RIT2: variants seen among roughly 807,000 people sequenced by gnomAD.
The protein encoded by RIT2 is Ras like without CAAX 2, also known as GTP-binding protein Rit2.
In RIT2, 24 loss-of-function variants were observed where a neutral mutation model predicts 23.7. The observed-to-expected ratio is 1.01, with a 90% CI of 0.73 to 1.43. The LOEUF (loss-of-function observed/expected upper bound fraction) is 1.43. RIT2 is among the 40% of genes most tolerant of loss of function. RIT2 has a pLI of 0.00. For synonymous variants in RIT2, 107 were observed against 91.1 expected, an observed-to-expected ratio of 1.17 and a Z score of -0.99; for missense variants, 236 against 266.9, an observed-to-expected ratio of 0.88 and a Z score of 0.81.
intron 4 of RIT2, among the ~76,000 whole-genome samples, chr18:42,922,337 T>C (rs1027134023): frequency 9.2e-5 from 14 of 152,158 alleles, no homozygotes; most frequent in African/African-American, 3.4e-4. Context: ...CCTACGTTAG[T>C]AAAAGGTTTT....
At chr18:42,854,156 T>A (rs556797920) in intron 4 of RIT2, among the ~76,000 whole-genome samples, 4 of 152,322 alleles carry the variant, frequency 2.6e-5, no homozygotes, top group African/African-American at 9.6e-5. Flanking sequence ...TACGCTACTT[T>A]GGTTCCCCAC....
intron 2 of RIT2, among the ~76,000 whole-genome samples, chr18:43,003,071 T>C (rs576026120): frequency 3.3e-5 from 5 of 152,030 alleles, no homozygotes; most frequent in Admixed American, 3.3e-4. Context: ...GGAAACATTC[T>C]CTTCTAGAGC....
chr18:43,103,617 T>C (rs1913739881), intron 1 of RIT2, among the ~76,000 whole-genome samples: 1 of 152,154 alleles, frequency 6.6e-6, no homozygotes, highest in African/African-American at 2.4e-5. Context: ...GAAGTATTTG[T>C]GCAGAATCTG....
chr18:42,863,094 C>T (rs1467732343), intron 4 of RIT2, among the ~76,000 whole-genome samples: 2 of 151,252 alleles, frequency 1.3e-5, no homozygotes, highest in South Asian at 4.2e-4. Context: ...GGCATTTTAT[C>T]CAATGAATAG....
At chr18:43,045,744 A>C (rs572242487) in intron 1 of RIT2, among the ~76,000 whole-genome samples, 1 of 152,198 alleles carries the variant, frequency 6.6e-6, no homozygotes, top group African/African-American at 2.4e-5. Flanking sequence ...TCCTGCCTGG[A>C]ACTTCCCATT....
chr18:43,068,874 T>G (rs1912835838), intron 1 of RIT2, among the ~76,000 whole-genome samples: 1 of 152,092 alleles, frequency 6.6e-6, no homozygotes. Flanking sequence ...CTTGCTTCCC[T>G]AAACTCAGCA....
rs1261989347 is a variant in RIT2 at position 42,773,930 on chromosome 18, C to T, written c.427-30210G>A. On this transcript the variant is annotated intron_variant, in intron 4 of 4. Transcript: ENST00000326695. Reference sequence around the variant, plus strand: ...AAATGACTAAAAGGAAAACATTTTCCTCTTTCATTTACTTGGTTTTCCTCT... The same window carrying T: ...AAATGACTAAAAGGAAAACATTTTCTTCTTTCATTTACTTGGTTTTCCTCT... Among the ~76,000 whole-genome samples the T allele has an allele frequency of 1.3e-5, 2 of 151,996 alleles. 1 individual carries two copies. Among genetic ancestry groups the T allele is most frequent in the African/African-American group, 4.8e-5 (2 of 41,390 alleles).
intron 4 of RIT2, among the ~76,000 whole-genome samples, chr18:42,819,449 T>TTTG (rs1054916746): frequency 1.3e-5 from 2 of 152,010 alleles, no homozygotes; most frequent in East Asian, 1.9e-4. Flanking sequence ...TAGGTGTGGT[T>TTTG]TTGTTGTTGT....
At chr18:42,783,068 C>T (rs1039810606) in intron 4 of RIT2, among the ~76,000 whole-genome samples, 2 of 152,048 alleles carry the variant, frequency 1.3e-5, no homozygotes, top group Non-Finnish European at 2.9e-5. Flanking sequence ...ATAGATGCTG[C>T]GTTTAAAATA....
chr18:42,776,309 C>T (rs1245942532), intron 4 of RIT2, among the ~76,000 whole-genome samples: 1 of 152,096 alleles, frequency 6.6e-6, no homozygotes, highest in Admixed American at 6.5e-5. Flanking sequence ...CTAACTGATG[C>T]CTGACACCTG....
intron 4 of RIT2, among the ~76,000 whole-genome samples, chr18:42,908,292 G>A (rs755997125): frequency 1.3e-4 from 20 of 151,850 alleles, no homozygotes; most frequent in Non-Finnish European, 1.9e-4. Context: ...AGAGATCAAG[G>A]GATCTGTGGG....
At chr18:42,765,611 T>C (rs1913402554) in intron 4 of RIT2, among the ~76,000 whole-genome samples, 2 of 152,184 alleles carry the variant, frequency 1.3e-5, no homozygotes, top group African/African-American at 4.8e-5. Flanking sequence ...GCAGAGAGGC[T>C]GAAAGAACAA....
chr18:42,887,192 C>T (rs879868335), intron 4 of RIT2, among the ~76,000 whole-genome samples: 3 of 151,786 alleles, frequency 2.0e-5, no homozygotes, highest in Non-Finnish European at 2.9e-5. Flanking sequence ...ACTTTACAGG[C>T]CAATTGTAGG....
chr18:42,821,715 A>G (rs1234294174), intron 4 of RIT2, among the ~76,000 whole-genome samples: 1 of 152,172 alleles, frequency 6.6e-6, no homozygotes, highest in Admixed American at 6.6e-5. Context: ...CCCTTCCATT[A>G]CAATGCAGGC....
intron 3 of RIT2, among the ~76,000 whole-genome samples, chr18:42,938,770 G>T (rs1015550710): frequency 6.6e-6 from 1 of 152,008 alleles, no homozygotes; most frequent in Non-Finnish European, 1.5e-5. Context: ...ACGGCATCTT[G>T]CTCTCTTGCC....
chr18:43,005,421 G>A (rs186865382), intron 2 of RIT2, among the ~76,000 whole-genome samples: 2 of 151,870 alleles, frequency 1.3e-5, no homozygotes, highest in East Asian at 3.9e-4. Context: ...ACCATGTTTT[G>A]AGAATGGAAA....
At chr18:42,791,516 C>G (rs1241485525) in intron 4 of RIT2, among the ~76,000 whole-genome samples, 1 of 152,154 alleles carries the variant, frequency 6.6e-6, no homozygotes, top group Admixed American at 6.5e-5. Context: ...TGAGAGCTAC[C>G]TATTAGTGTC....
At chr18:43,095,279 T>C (rs1448630913) in intron 1 of RIT2, among the ~76,000 whole-genome samples, 2 of 152,110 alleles carry the variant, frequency 1.3e-5, no homozygotes, top group Admixed American at 6.6e-5. Flanking sequence ...TGTTATCTCA[T>C]TGTGGTTTTG....
intron 1 of RIT2, among the ~76,000 whole-genome samples, chr18:43,074,599 A>G (rs1912969500): frequency 6.6e-6 from 1 of 152,128 alleles, no homozygotes; most frequent in African/African-American, 2.4e-5. Flanking sequence ...ATGTACATAT[A>G]TGTTCATTGC....
Sources: allele counts gnomAD v4.1 joint callset (sites outside exome capture counted in the v4.1 genomes callset), GRCh38; gene constraint gnomAD v4.1.1; transcripts MANE v1.5; gene names NCBI Gene and HGNC (gene_info 2026-07-23, HGNC 2026-07-21).